KSR2: variants seen among roughly 807,000 people sequenced by gnomAD.
The protein encoded by KSR2 is kinase suppressor of ras 2.
KSR2 carries 25 observed loss-of-function variants against 107.8 expected under a neutral mutation model. That is an observed-to-expected ratio of 0.23 (90% CI 0.17 to 0.32). The LOEUF (loss-of-function observed/expected upper bound fraction) is 0.32, where lower values mean the gene tolerates loss of function less well. Among genes scored for constraint, KSR2 ranks in the 10% least tolerant of loss-of-function variants. The pLI is 1.00. For missense variants in KSR2, 887 were observed against 1,268.9 expected, an observed-to-expected ratio of 0.70 and a Z score of 4.57; for synonymous variants, 480 against 507.0, an observed-to-expected ratio of 0.95 and a Z score of 0.71.
intron 3 of KSR2, among the ~76,000 whole-genome samples, chr12:117,835,515 A>T (rs1477273990): frequency 6.6e-6 from 1 of 152,130 alleles, no homozygotes; most frequent in African/African-American, 2.4e-5. Flanking sequence ...CAGAATACAG[A>T]AGTTGTCGTC....
At chr12:117,843,632 G>A (rs1342851710) in intron 3 of KSR2, among the ~76,000 whole-genome samples, 1 of 152,218 alleles carries the variant, frequency 6.6e-6, no homozygotes, top group East Asian at 1.9e-4. Context: ...AACAGAGGCT[G>A]GGGTGCTGGT....
At chr12:117,541,061 G>A (rs1327767668) in intron 9 of KSR2, among the ~76,000 whole-genome samples, 1 of 152,244 alleles carries the variant, frequency 6.6e-6, no homozygotes, top group East Asian at 1.9e-4. Flanking sequence ...CAAGTGCACA[G>A]GGCTGCATGA....
chr12:117,880,382 T>C (rs542729472), intron 1 of KSR2, among the ~76,000 whole-genome samples: 8 of 152,262 alleles, frequency 5.3e-5, no homozygotes, highest in South Asian at 2.1e-4. Context: ...ACACAGAATA[T>C]AGCCATCGTC....
At chr12:117,731,929 C>G (rs1213634583) in intron 4 of KSR2, among the ~76,000 whole-genome samples, 1 of 140,722 alleles carries the variant, frequency 7.1e-6, no homozygotes, top group Non-Finnish European at 1.6e-5. Flanking sequence ...CCTAGGAAAA[C>G]TAGAGACCCT....
At chr12:117,963,541 T>C (rs1010544435) in intron 1 of KSR2, among the ~76,000 whole-genome samples, 3 of 152,044 alleles carry the variant, frequency 2.0e-5, no homozygotes, top group African/African-American at 7.2e-5. Context: ...AGGTCAAGGC[T>C]GCAGTAAGCC....
At chr12:117,582,024 A>T (rs922855445) in intron 6 of KSR2, among the ~76,000 whole-genome samples, 2 of 152,228 alleles carry the variant, frequency 1.3e-5, no homozygotes, top group African/African-American at 4.8e-5. Flanking sequence ...ACTAGCTGGG[A>T]TTGGAACACA....
At chr12:117,949,917 T>TAAA (rs1896309943) in intron 1 of KSR2, among the ~76,000 whole-genome samples, 1 of 152,154 alleles carries the variant, frequency 6.6e-6, no homozygotes, top group Non-Finnish European at 1.5e-5. Flanking sequence ...ACTGAACTAA[T>TAAA]TAATGATAAA....
chr12:117,860,436 G>A lies in KSR2; in HGVS notation c.181-5C>T. On this transcript the variant is annotated splice_polypyrimidine_tract_variant and splice_region_variant and intron_variant, in intron 1 of 19. Coordinates refer to ENST00000339824, the MANE Select transcript of KSR2 (RefSeq NM_173598.6). The stretch of plus-strand genomic sequence containing the variant: ...GAAGTACTTCACCAGCTTGCTCTGT[G>A]GAGACACAGACGAGGACAGAGGACA... The A allele has an allele frequency of 6.2e-7, 1 of 1,604,812 alleles. No individual in the cohort carries two copies. The highest frequency in any genetic ancestry group is 8.5e-7 in the Non-Finnish European group (1 of 1,175,840).
intron 5 of KSR2, among the ~76,000 whole-genome samples, chr12:117,603,641 A>T (rs958913774): frequency 6.6e-6 from 1 of 152,248 alleles, no homozygotes; most frequent in Non-Finnish European, 1.5e-5. Flanking sequence ...TTAGCCATCA[A>T]TGCTGCCTCT....
At chr12:117,585,085 A>T (rs1879912221) in intron 5 of KSR2, among the ~76,000 whole-genome samples, 1 of 152,086 alleles carries the variant, frequency 6.6e-6, no homozygotes, top group Non-Finnish European at 1.5e-5. Context: ...TGTGTGTGTT[A>T]CCAGCATCTG....
chr12:117,967,479 T>C (rs565973895), intron 1 of KSR2, among the ~76,000 whole-genome samples: 4 of 152,170 alleles, frequency 2.6e-5, no homozygotes, highest in Admixed American at 6.5e-5. Context: ...GGTAGTTCCA[T>C]AGGAATTTTT....
At chr12:117,914,571 A>G (rs1033381342) in intron 1 of KSR2, among the ~76,000 whole-genome samples, 1 of 152,204 alleles carries the variant, frequency 6.6e-6, no homozygotes, top group African/African-American at 2.4e-5. Context: ...CAGGATCTCT[A>G]TCACCTAGGC....
chr12:117,778,699 A>T (rs983612799), intron 3 of KSR2, among the ~76,000 whole-genome samples: 18 of 152,116 alleles, frequency 1.2e-4, no homozygotes, highest in Non-Finnish European at 2.5e-4. Flanking sequence ...AGGGAGAAGG[A>T]GGTGAGAAGC....
Position 117,628,389 on chromosome 12 carries a change from A to G in KSR2, c.1171+39085T>C, listed in dbSNP as rs574126911. Among the ~76,000 whole-genome samples, 11 of 152,242 alleles carry G rather than the reference A, an allele frequency of 7.2e-5. No individual in the cohort carries two copies. In the South Asian group the frequency reaches 2.1e-3, roughly 29 times the overall value. On this transcript the variant is annotated intron_variant, in intron 5 of 19. Transcript: ENST00000339824. Reference sequence around the variant, plus strand: ...ACCTACAGATGGGGTTTTGGTGTAGATGACCTTTTTGTTGATGTTTATGCT... The same window carrying G: ...ACCTACAGATGGGGTTTTGGTGTAGGTGACCTTTTTGTTGATGTTTATGCT...
chr12:117,559,472 A>G (rs1352298811), intron 7 of KSR2, among the ~76,000 whole-genome samples: 1 of 152,194 alleles, frequency 6.6e-6, no homozygotes, highest in African/African-American at 2.4e-5. Context: ...CGAAATGGGC[A>G]TTATTATCAT....
chr12:117,594,866 G>T (rs982763358), intron 5 of KSR2, among the ~76,000 whole-genome samples: 1 of 152,188 alleles, frequency 6.6e-6, no homozygotes, highest in African/African-American at 2.4e-5. Flanking sequence ...AGTGGTACTG[G>T]TATCTACTGG....
intron 5 of KSR2, among the ~76,000 whole-genome samples, chr12:117,596,222 C>A (rs1593032866): frequency 6.6e-6 from 1 of 152,152 alleles, no homozygotes. Context: ...TGGCAGCAGG[C>A]AAGACAGAAT....
At chr12:117,551,800 C>G (rs1267856071) in intron 9 of KSR2, among the ~76,000 whole-genome samples, 1 of 152,124 alleles carries the variant, frequency 6.6e-6, no homozygotes, top group Non-Finnish European at 1.5e-5. Flanking sequence ...TGTCCACCTT[C>G]ATGTCAAAGC....
At chr12:117,712,773 C>T (rs1886835513) in intron 4 of KSR2, among the ~76,000 whole-genome samples, 2 of 151,964 alleles carry the variant, frequency 1.3e-5, no homozygotes, top group African/African-American at 4.8e-5. Context: ...AAAATCAATC[C>T]CTCTCATTCA....
Sources: gnomAD v4.1 joint callset for allele counts (sites outside exome capture counted in the v4.1 genomes callset) on GRCh38, gnomAD v4.1.1 for gene constraint, MANE v1.5 for transcripts, NCBI Gene and HGNC (gene_info 2026-07-23, HGNC 2026-07-21) for gene names.